The following PCDH9 variants were observed in gnomAD, a reference collection of about 807,000 sequenced individuals.
PCDH9 encodes protocadherin 9.
In PCDH9, 24 loss-of-function variants were observed where a neutral mutation model predicts 70.6. That is an observed-to-expected ratio of 0.34 (90% CI 0.25 to 0.48). The LOEUF (loss-of-function observed/expected upper bound fraction) is 0.48, where lower values mean the gene tolerates loss of function less well. Ranked by LOEUF, PCDH9 falls within the 20% of genes least tolerant of loss-of-function variation. The pLI, the probability that PCDH9 is intolerant of heterozygous loss-of-function variation, is 0.99. For synonymous variants in PCDH9, 562 were observed against 558.5 expected (o/e 1.01, Z -0.09); for missense variants, 1,281 against 1,503.6 (o/e 0.85, Z 2.45).
At chr13:66,798,900 T>G (rs2080285818) in intron 3 of PCDH9, among the ~76,000 whole-genome samples, 1 of 152,074 alleles carries the variant, frequency 6.6e-6, no homozygotes, top group African/African-American at 2.4e-5. Flanking sequence ...ATTGCAACAT[T>G]TGCCTCCTGG....
intron 4 of PCDH9, among the ~76,000 whole-genome samples, chr13:66,615,821 T>C (rs1438533282): frequency 6.6e-6 from 1 of 152,252 alleles, no homozygotes; most frequent in Non-Finnish European, 1.5e-5. Context: ...AAATAAGGCA[T>C]ACTCCTATGA....
intron 3 of PCDH9, among the ~76,000 whole-genome samples, chr13:66,701,693 T>C (rs74093148): frequency 1.3e-5 from 2 of 150,376 alleles, no homozygotes; most frequent in African/African-American, 2.5e-5. Context: ...TTTGTTTGTA[T>C]TTTTTTTCAG....
chr13:66,516,855 A>G (rs1959760882), intron 4 of PCDH9, among the ~76,000 whole-genome samples: 1 of 152,054 alleles, frequency 6.6e-6, no homozygotes, highest in Admixed American at 6.6e-5. Context: ...CTCAATTAAG[A>G]ATATCTTTCC....
chr13:67,186,791 C>T (rs1015043657), intron 2 of PCDH9, among the ~76,000 whole-genome samples: 1 of 152,042 alleles, frequency 6.6e-6, no homozygotes, highest in East Asian at 1.9e-4. Context: ...TATTGTTCTG[C>T]TATACCCTTA....
chr13:66,634,647 T>G (rs149264807), intron 3 of PCDH9, among the ~76,000 whole-genome samples: 2 of 152,120 alleles, frequency 1.3e-5, no homozygotes, highest in Non-Finnish European at 2.9e-5. Flanking sequence ...ACATAGTAGA[T>G]AGTGTTCCTG....
At chr13:66,648,648 A>G (rs556607676) in intron 3 of PCDH9, among the ~76,000 whole-genome samples, 47 of 152,242 alleles carry the variant, frequency 3.1e-4, no homozygotes, top group African/African-American at 1.1e-3. Flanking sequence ...TAAATACCTA[A>G]CTTTTCAATG....
chr13:66,380,959 C>A (rs1038012389), intron 4 of PCDH9, among the ~76,000 whole-genome samples: 1 of 152,106 alleles, frequency 6.6e-6, no homozygotes, highest in Non-Finnish European at 1.5e-5. Context: ...TGAAGTAATA[C>A]GCGTGTCAAC....
rs55837718 is a variant in PCDH9 at position 66,304,260 on chromosome 13, C to CAAAAAAAAAAAAA, written c.*382_*394dup. 4.0e-4 allele frequency: 26 copies of CAAAAAAAAAAAAA among 65,362 alleles called. 2 individuals are homozygous for CAAAAAAAAAAAAA. Among genetic ancestry groups the CAAAAAAAAAAAAA allele is most frequent in the East Asian group, 5.4e-4 (1 of 1,848 alleles). The allele number at this position is 65,362 out of a possible 1,614,324, so 4.0% of individuals were successfully genotyped here. The stretch of plus-strand genomic sequence containing the variant: ...TAGCAGTCCCAGCACAAATCAATGA[C>CAAAAAAAAAAAAA]AAAAAAAAAAAAAAAAAAAAAAAAA... On this transcript the variant is annotated 3_prime_UTR_variant, in exon 5 of 5. Transcript: ENST00000377865.
intron 4 of PCDH9, among the ~76,000 whole-genome samples, chr13:66,426,901 A>G (rs1957680412): frequency 6.6e-6 from 1 of 151,532 alleles, no homozygotes; most frequent in Admixed American, 6.6e-5. Flanking sequence ...TTGTCATTGT[A>G]TTTTATATTA....
chr13:66,649,309 G>T (rs2138985834), intron 3 of PCDH9, among the ~76,000 whole-genome samples: 1 of 152,074 alleles, frequency 6.6e-6, no homozygotes, highest in African/African-American at 2.4e-5. Flanking sequence ...TCTAAAAACA[G>T]CAAGAGAAAA....
chr13:67,005,759 C>G lies in PCDH9; in HGVS notation c.3037-102154G>C, dbSNP rs572075477. ...GTAACAGATGATGATTGCATTTTCT[C>G]CGTGAGAGCAAAGTATGAGTAGGGT... On this transcript the variant is annotated intron_variant, in intron 2 of 4. Transcript: ENST00000377865. Among the ~76,000 whole-genome samples, 3 of 152,292 alleles carry G rather than the reference C, an allele frequency of 2.0e-5. 1 individual carries two copies. In the South Asian group the frequency reaches 6.2e-4, roughly 32 times the overall value.
chr13:66,761,664 G>A (rs1193469880), intron 3 of PCDH9, among the ~76,000 whole-genome samples: 2 of 151,728 alleles, frequency 1.3e-5, no homozygotes, highest in Non-Finnish European at 1.5e-5. Flanking sequence ...TATTGTATTT[G>A]CAGTTTTCAT....
intron 4 of PCDH9, among the ~76,000 whole-genome samples, chr13:66,487,030 G>A (rs577343910): frequency 1.1e-4 from 17 of 152,180 alleles, no homozygotes; most frequent in African/African-American, 2.9e-4. Context: ...TAACAATTAC[G>A]TTTAACTTGT....
chr13:66,950,620 T>C (rs1192876851), intron 2 of PCDH9, among the ~76,000 whole-genome samples: 1 of 152,046 alleles, frequency 6.6e-6, no homozygotes, highest in Non-Finnish European at 1.5e-5. Context: ...CTTCTGAATG[T>C]TTAATAATCA....
chr13:67,117,732 G>A (rs1465975079), intron 2 of PCDH9, among the ~76,000 whole-genome samples: 2 of 152,030 alleles, frequency 1.3e-5, no homozygotes, highest in African/African-American at 4.8e-5. Context: ...GATAAAGGAG[G>A]GATGGGATTT....
intron 3 of PCDH9, among the ~76,000 whole-genome samples, chr13:66,643,483 C>T (rs2077733817): frequency 6.6e-6 from 1 of 152,036 alleles, no homozygotes. Context: ...TACATTTCAG[C>T]GATAACCGCT....
intron 3 of PCDH9, among the ~76,000 whole-genome samples, chr13:66,639,814 T>C (rs2077685863): frequency 6.6e-6 from 1 of 152,192 alleles, no homozygotes; most frequent in African/African-American, 2.4e-5. Context: ...CTTCTTATAT[T>C]CTTGTTTATT....
chr13:67,017,491 A>T (rs1387618347), intron 2 of PCDH9, among the ~76,000 whole-genome samples: 1 of 152,176 alleles, frequency 6.6e-6, no homozygotes, highest in Non-Finnish European at 1.5e-5. Context: ...GGGCACCATG[A>T]GGGGAAAAGG....
At chr13:66,724,309 C>T (rs2078978149) in intron 3 of PCDH9, among the ~76,000 whole-genome samples, 1 of 152,068 alleles carries the variant, frequency 6.6e-6, no homozygotes, top group African/African-American at 2.4e-5. Flanking sequence ...TCAGAATTAC[C>T]ATGGAAAATA....
Sources: gnomAD v4.1 joint callset for allele counts (sites outside exome capture counted in the v4.1 genomes callset) on GRCh38, gnomAD v4.1.1 for gene constraint, MANE v1.5 for transcripts, NCBI Gene and HGNC (gene_info 2026-07-23, HGNC 2026-07-21) for gene names.